Variants in ALX4 observed in about 807,000 individuals in gnomAD.
The protein encoded by ALX4 is ALX homeobox 4, also known as homeobox protein aristaless-like 4.
A neutral mutation model predicts 40.6 loss-of-function variants in ALX4; 22 were observed. The ratio of observed to expected loss-of-function variants is 0.54; its 90% CI spans 0.39 to 0.77. The LOEUF is 0.77. Ranked by LOEUF, ALX4 falls within the 30% of genes least tolerant of loss-of-function variation. ALX4 has a pLI of 0.00. For synonymous variants in ALX4, 266 were observed against 240.5 expected (o/e 1.11, Z -0.98); for missense variants, 556 against 564.8 (o/e 0.98, Z 0.16).
intron 1 of ALX4, among the ~76,000 whole-genome samples, chr11:44,285,121 C>G (rs997874501): frequency 5.3e-5 from 8 of 152,160 alleles, no homozygotes; most frequent in Admixed American, 5.2e-4. Flanking sequence ...CCCAGCACCA[C>G]GCCCGGCTAA....
chr11:44,306,697 T>C (rs796481980), intron 1 of ALX4, among the ~76,000 whole-genome samples: 12 of 152,350 alleles, frequency 7.9e-5, no homozygotes, highest in African/African-American at 2.9e-4. Flanking sequence ...ATTTCTCCGC[T>C]TTTGAGTATA....
intron 1 of ALX4, among the ~76,000 whole-genome samples, chr11:44,283,436 C>G (rs538038801): frequency 6.6e-6 from 1 of 152,096 alleles, no homozygotes; most frequent in Admixed American, 6.5e-5. Flanking sequence ...CTAGAGAGAA[C>G]GTTCATCATG....
chr11:44,291,055 C>T (rs2902402), intron 1 of ALX4, among the ~76,000 whole-genome samples: 8,345 of 152,254 alleles, frequency 0.055, 324 homozygotes, highest in Non-Finnish European at 0.083. Context: ...TCAGGTTTCC[C>T]GAGCGGCAGC....
Position 44,264,905 on chromosome 11 carries a change from G to C in ALX4, c.1185C>G (p.Ala395=), listed in dbSNP as rs751941183. The C allele has an allele frequency of 1.3e-5, 21 of 1,612,928 alleles. No individual in the cohort carries two copies. Among genetic ancestry groups the C allele is most frequent in the Non-Finnish European group, 1.7e-5 (20 of 1,179,942 alleles). The change falls in exon 4 of 4, where the codon GCC becomes GCG. Residue 395 remains alanine (A), a synonymous_variant. Transcript: ENST00000652299. The part of the protein sequence containing the change: ...EPDRKTSSIA[A]LRMKAKEHSA... ...TGTGCTCCTTGGCCTTCATGCGGAGGGCCGCGATGCTCGAGGTCTTGCGGT... is the reference window on the plus strand; with the variant it reads ...TGTGCTCCTTGGCCTTCATGCGGAGCGCCGCGATGCTCGAGGTCTTGCGGT...
At chr11:44,276,966 T>G (rs1295683196) in intron 1 of ALX4, among the ~76,000 whole-genome samples, 1 of 152,138 alleles carries the variant, frequency 6.6e-6, no homozygotes, top group East Asian at 1.9e-4. Flanking sequence ...GTCCACAGCC[T>G]GGGGGCTAAG....
intron 2 of ALX4, among the ~76,000 whole-genome samples, chr11:44,268,934 A>G (rs1027688344): frequency 3.3e-5 from 5 of 152,260 alleles, no homozygotes; most frequent in African/African-American, 1.2e-4. Flanking sequence ...CTGCAGAGCC[A>G]TAAGGAGCCT....
intron 2 of ALX4, among the ~76,000 whole-genome samples, chr11:44,270,646 C>G (rs780512312): frequency 2.0e-5 from 3 of 152,144 alleles, no homozygotes; most frequent in African/African-American, 7.2e-5. Flanking sequence ...GCCACACCAA[C>G]CCCCACGCCC....
chr11:44,278,369 C>T (rs1415333248), intron 1 of ALX4, among the ~76,000 whole-genome samples: 1 of 152,166 alleles, frequency 6.6e-6, no homozygotes, highest in Non-Finnish European at 1.5e-5. Flanking sequence ...CGGTCTTAGG[C>T]CTTATTCCCA....
Position 44,309,714 on chromosome 11 carries a change from G to A in ALX4, c.349C>T (p.Pro117Ser), listed in dbSNP as rs1032391238. ...TGCAAGTAAAGATGCGGTTGCGCGG[G>A]CGGCTGGGGCTGCGGCTGCTGCTGC... ...PQQQQPQPQP[P>S]AQPHLYLQRG... The change falls in exon 1 of 4, where the codon CCC becomes TCC. Residue 117 changes from proline to serine, a missense_variant. Transcript: ENST00000652299. 1.9e-6 allele frequency: 3 copies of A among 1,573,528 alleles called. No homozygotes were observed. Among genetic ancestry groups the A allele is most frequent in the African/African-American group, 1.4e-5 (1 of 73,298 alleles).
At chr11:44,307,422 C>T (rs1414620463) in intron 1 of ALX4, among the ~76,000 whole-genome samples, 1 of 152,196 alleles carries the variant, frequency 6.6e-6, no homozygotes, top group Non-Finnish European at 1.5e-5. Context: ...TGTGGGGGCC[C>T]AGCAGGACAC....
At chr11:44,295,875 C>A (rs1956399805) in intron 1 of ALX4, among the ~76,000 whole-genome samples, 1 of 152,214 alleles carries the variant, frequency 6.6e-6, no homozygotes, top group Non-Finnish European at 1.5e-5. Flanking sequence ...GCAGAGGGGC[C>A]CCCGAATATC....
At chr11:44,267,714 C>G in intron 2 of ALX4, 92 bp from the exon 3 acceptor site, 1 of 1,577,096 alleles carries the variant, frequency 6.3e-7, no homozygotes, top group Non-Finnish European at 8.7e-7. Context: ...CTTGAGCCCC[C>G]CATCAGTTGC....
intron 1 of ALX4, among the ~76,000 whole-genome samples, chr11:44,294,980 G>T (rs1460787824): frequency 6.6e-6 from 1 of 151,806 alleles, no homozygotes; most frequent in Non-Finnish European, 1.5e-5. Flanking sequence ...CTCCCTAGTA[G>T]CTGGGATTAC....
intron 1 of ALX4, among the ~76,000 whole-genome samples, chr11:44,293,843 T>C (rs978369493): frequency 3.9e-5 from 6 of 152,220 alleles, no homozygotes; most frequent in Non-Finnish European, 5.9e-5. Context: ...CTCCCACATA[T>C]CACATGGGGG....
At chr11:44,275,919 G>A (rs1333658746) in intron 1 of ALX4, among the ~76,000 whole-genome samples, 1 of 152,146 alleles carries the variant, frequency 6.6e-6, no homozygotes, top group Non-Finnish European at 1.5e-5. Flanking sequence ...AATGTTATGT[G>A]AACCTAAGGC....
At position 44,261,742 on chromosome 11, in the gene ALX4, G is replaced by A. The variant is rs886048286; in HGVS notation, c.*3112C>T. The A allele has an allele frequency of 3.3e-5, 5 of 152,240 alleles. No homozygotes were observed. Among genetic ancestry groups the A allele is most frequent in the Admixed American group, 2.6e-4 (4 of 15,280 alleles). The allele number at this position is 152,240 out of a possible 1,614,324, so 9.4% of individuals were successfully genotyped here. A position where few individuals can be genotyped will look rare whatever the true frequency, so the allele number is the denominator to read the frequency against. On this transcript the variant is annotated 3_prime_UTR_variant, in exon 4 of 4. Transcript: ENST00000652299. ...GCCCATCCATCTGCCGGCTACCCAC[G>A]ACTTTATTTTTAAGTTGCCATCTCT...
chr11:44,285,512 A>C (rs1374854459), intron 1 of ALX4, among the ~76,000 whole-genome samples: 1 of 152,190 alleles, frequency 6.6e-6, no homozygotes, highest in Admixed American at 6.5e-5. Flanking sequence ...TATGAAGTTC[A>C]ATTATCCACA....
intron 1 of ALX4, among the ~76,000 whole-genome samples, chr11:44,287,556 G>A (rs1326173749): frequency 6.8e-6 from 1 of 147,462 alleles, no homozygotes; most frequent in Non-Finnish European, 1.5e-5. Flanking sequence ...TGACCCCAGA[G>A]TTCCATCTAG....
At chr11:44,288,043 C>G (rs1956349285) in intron 1 of ALX4, among the ~76,000 whole-genome samples, 1 of 152,190 alleles carries the variant, frequency 6.6e-6, no homozygotes, top group Non-Finnish European at 1.5e-5. Context: ...GTGGCACAAT[C>G]TTGACTAACT....
Sources: gnomAD v4.1 joint callset for allele counts (sites outside exome capture counted in the v4.1 genomes callset) on GRCh38, gnomAD v4.1.1 for gene constraint, MANE v1.5 for transcripts, NCBI Gene and HGNC (gene_info 2026-07-23, HGNC 2026-07-21) for gene names.